Variants in ERN1 observed in about 807,000 individuals in gnomAD.
ERN1 encodes serine/threonine-protein kinase/endoribonuclease IRE1.
Under a neutral mutation model 113.1 loss-of-function variants are expected in ERN1, and 39 were observed. That is an observed-to-expected ratio of 0.34 (90% confidence interval 0.27 to 0.45). The LOEUF (loss-of-function observed/expected upper bound fraction) is 0.45. Among genes scored for constraint, ERN1 ranks in the 20% least tolerant of loss-of-function variants. ERN1 has a pLI of 1.00. For missense variants in ERN1, 976 were observed against 1,274.8 expected (o/e 0.77, Z 3.57); for synonymous variants, 507 against 515.9 (o/e 0.98, Z 0.23).
chr17:64,098,003 CTTTA>C, intron 2 of ERN1, 114 bp downstream of exon 2: 8 of 1,330,814 alleles, frequency 6.0e-6, no homozygotes, highest in Non-Finnish European at 8.3e-6. Context: ...TCCCATTCTT[CTTTA>C]TTTCTTATTT....
At chr17:64,119,683 C>G (rs550235775) in intron 1 of ERN1, among the ~76,000 whole-genome samples, 1 of 150,850 alleles carries the variant, frequency 6.6e-6, no homozygotes, top group African/African-American at 2.4e-5. Flanking sequence ...TGAGCCACCA[C>G]GCCTAGAACT....
At chr17:64,078,975 C>T (rs1339066291) in intron 4 of ERN1, among the ~76,000 whole-genome samples, 1 of 152,180 alleles carries the variant, frequency 6.6e-6, no homozygotes, top group Non-Finnish European at 1.5e-5. Flanking sequence ...CACTGCATTC[C>T]AACCTGGGTG....
intron 1 of ERN1, among the ~76,000 whole-genome samples, chr17:64,124,397 C>T (rs927553122): frequency 3.3e-5 from 5 of 152,224 alleles, no homozygotes; most frequent in African/African-American, 9.6e-5. Flanking sequence ...TGTGTCCCCA[C>T]CCAAATCTCA....
At chr17:64,061,411 C>T (rs578060424) in intron 10 of ERN1, among the ~76,000 whole-genome samples, 2 of 152,194 alleles carry the variant, frequency 1.3e-5, no homozygotes, top group South Asian at 2.1e-4. Context: ...CTCTGACTCA[C>T]GTCTCTTTCA....
At chr17:64,121,780 C>A (rs959630362) in intron 1 of ERN1, among the ~76,000 whole-genome samples, 1 of 152,184 alleles carries the variant, frequency 6.6e-6, no homozygotes, top group Non-Finnish European at 1.5e-5. Flanking sequence ...AGCCACTGTG[C>A]CCAGCCGAGC....
intron 1 of ERN1, among the ~76,000 whole-genome samples, chr17:64,124,587 G>GTT (rs1365920117): frequency 6.6e-6 from 1 of 152,192 alleles, no homozygotes; most frequent in African/African-American, 2.4e-5. Flanking sequence ...TGCCATCAAC[G>GTT]TAAGATGTGA....
At chr17:64,104,749 G>A (rs1416465637) in intron 1 of ERN1, among the ~76,000 whole-genome samples, 1 of 152,102 alleles carries the variant, frequency 6.6e-6, no homozygotes, top group African/African-American at 2.4e-5. Context: ...AATCCAGGAG[G>A]AAGGGGTTGC....
In ERN1 at chr17:64,104,453, C is replaced by CA. The variant is rs35150631; in HGVS notation, c.55-6213dup. Among the ~76,000 whole-genome samples the CA allele has an allele frequency of 8.7e-3, 1,255 of 143,902 alleles. 8 individuals carry two copies. The highest frequency in any genetic ancestry group is 0.021 in the Middle Eastern group (6 of 280). The allele number at this position is 143,902 out of a possible 152,430, so 94.4% of individuals were successfully genotyped here. A position where few individuals can be genotyped will look rare whatever the true frequency, so the allele number is the denominator to read the frequency against. On this transcript the variant is annotated intron_variant, in intron 1 of 21. Transcript: ENST00000433197. ...GGGGTTTCAGAAATGTTGCTTTTGC[C>CA]AAAAAAAAAAATGCAGCTTGTCAAT...
chr17:64,098,860 TAAAAC>T (rs1040659507), intron 1 of ERN1, among the ~76,000 whole-genome samples: 17 of 152,164 alleles, frequency 1.1e-4, no homozygotes, highest in Non-Finnish European at 2.2e-4. Context: ...TCAACAAACT[TAAAAC>T]AAAACAAAAA....
intron 17 of ERN1, among the ~76,000 whole-genome samples, chr17:64,051,773 G>A (rs1469730578): frequency 6.6e-6 from 1 of 152,202 alleles, no homozygotes; most frequent in African/African-American, 2.4e-5. Flanking sequence ...TCAAAACCCA[G>A]TAGGTAGCAA....
chr17:64,112,463 T>C (rs1914699411), intron 1 of ERN1, among the ~76,000 whole-genome samples: 1 of 152,166 alleles, frequency 6.6e-6, no homozygotes, highest in Non-Finnish European at 1.5e-5. Context: ...TGGGATTGTA[T>C]TTCCATCATT....
intron 5 of ERN1, 109 bp downstream of exon 5, chr17:64,075,066 G>GA: frequency 1.1e-6 from 1 of 915,380 alleles, no homozygotes; most frequent in Non-Finnish European, 1.7e-6. Context: ...ACCCAGGAAA[G>GA]AAAGGGTTGG....
intron 1 of ERN1, 50 bp from the exon 2 acceptor site, chr17:64,098,291 G>T (rs867173654): frequency 1.2e-6 from 2 of 1,611,176 alleles, no homozygotes; most frequent in East Asian, 2.2e-5. Flanking sequence ...TCTTCACCTT[G>T]GGCATGTACA....
chr17:64,045,244 T>C lies in ERN1; in HGVS notation c.2653+115A>G, dbSNP rs374770624. 5.5e-5 allele frequency: 68 copies of C among 1,242,730 alleles called. 1 individual carries two copies. The East Asian group carries it at 1.1e-3, about 21-fold the overall frequency. 77.0% of individuals were successfully genotyped at this position (1,242,730 alleles called of 1,614,324 possible). ...GACACACCCAAGAAAGTCTCAAACC[T>C]GACAGGTGGGATGTGGGGCCTGAAC... is the stretch of plus-strand genomic sequence containing the variant. On this transcript the variant is annotated intron_variant, in intron 20 of 21. Coordinates refer to ENST00000433197, the MANE Select transcript of ERN1 (RefSeq NM_001433.5).
chr17:64,121,930 G>GAAATTTTTT, intron 1 of ERN1, among the ~76,000 whole-genome samples: 2 of 152,206 alleles, frequency 1.3e-5, no homozygotes, highest in Admixed American at 6.5e-5. Flanking sequence ...GCAACAAAGG[G>GAAATTTTTT]TAGAAGGCCA....
chr17:64,074,128 T>C (rs764860465), intron 5 of ERN1, among the ~76,000 whole-genome samples: 11 of 152,316 alleles, frequency 7.2e-5, no homozygotes, highest in Middle Eastern at 3.4e-3. Flanking sequence ...TAGCATGACA[T>C]AGCTGGTTAC....
chr17:64,045,088 G>A (rs1292911129), intron 20 of ERN1, among the ~76,000 whole-genome samples, 161 bp from the exon 21 acceptor site: 3 of 152,002 alleles, frequency 2.0e-5, no homozygotes, highest in African/African-American at 7.3e-5. Context: ...ACCCAAGGGT[G>A]GTATCCCCCT....
Position 64,053,321 on chromosome 17 carries a change from C to G in ERN1, c.2004G>C (p.Leu668Phe). 1.9e-6 allele frequency: 3 copies of G among 1,612,058 alleles called. No homozygotes were observed. The highest frequency in any genetic ancestry group is 2.5e-6 in the Non-Finnish European group (3 of 1,179,266). The change falls in exon 16 of 22, where the codon TTG (leucine) becomes TTC (phenylalanine). Residue 668 changes from leucine to phenylalanine, a missense_variant. Coordinates refer to ENST00000433197, the MANE Select transcript of ERN1 (RefSeq NM_001433.5). The stretch of plus-strand genomic sequence containing the variant: ...CCAGGCCCGAGGTGGTCTGCTGCAG[C>G]AAGGTGATGGGCTCCAGGCCGAGAT... ...FAHLGLEPITLLQQTTSGLAH... is the reference protein window; with the variant it reads ...FAHLGLEPITFLQQTTSGLAH...
At chr17:64,124,074 T>C (rs1915018196) in intron 1 of ERN1, among the ~76,000 whole-genome samples, 1 of 152,186 alleles carries the variant, frequency 6.6e-6, no homozygotes, top group Non-Finnish European at 1.5e-5. Context: ...CCAGGATGGC[T>C]AAGATTAAAA....
Sources: allele counts gnomAD v4.1 joint callset (sites outside exome capture counted in the v4.1 genomes callset), GRCh38; gene constraint gnomAD v4.1.1; transcripts MANE v1.5; gene names NCBI Gene and HGNC (gene_info 2026-07-23, HGNC 2026-07-21).